ROGDI: variants seen among roughly 807,000 people sequenced by gnomAD.
The protein encoded by ROGDI is rogdi atypical leucine zipper.
ROGDI carries 46 observed loss-of-function variants against 43.1 expected under a neutral mutation model. The observed-to-expected ratio is 1.07, with a 90% CI of 0.84 to 1.37. The LOEUF (loss-of-function observed/expected upper bound fraction) is 1.37, where lower values mean the gene tolerates loss of function less well. Ranked by LOEUF, ROGDI falls within the 40% of genes most tolerant of loss-of-function variation. The pLI is 0.00. For missense variants in ROGDI, 518 were observed against 383.9 expected (o/e 1.35, Z -2.92); for synonymous variants, 243 against 162.0 (o/e 1.50, Z -3.80).
In ROGDI at chr16:4,799,634, C is replaced by T. The variant is rs547791455; in HGVS notation, c.432+52G>A. The T allele has an allele frequency of 6.7e-5, 95 of 1,409,502 alleles. No individual in the cohort carries two copies. In the South Asian group the frequency reaches 8.5e-4, roughly 13 times the overall value. The allele number at this position is 1,409,502 out of a possible 1,614,324, so 87.3% of individuals were successfully genotyped here. ...TGGGATTGGAACCCAGGTGTGATTC[C>T]GGATCAAGAACGTGGGACTAGGCCC... On this transcript the variant is annotated intron_variant, in intron 6 of 10. Transcript: ENST00000322048.
chr16:4,801,168 G>T, intron 4 of ROGDI, 99 bp downstream of exon 4: 1 of 978,330 alleles, frequency 1.0e-6, no homozygotes, highest in Non-Finnish European at 1.5e-6. Flanking sequence ...GAGATCAAGG[G>T]TCCCGCCCAG....
rs115660765 is a variant in ROGDI, at chr16:4,797,992, G to A, written c.646-5C>T. 1.1e-3 allele frequency: 1,780 copies of A among 1,611,988 alleles called. 26 individuals carry two copies. In the African/African-American group the frequency reaches 0.021, roughly 19 times the overall value. ...GCCCCCAGCTGGGCGGAAGTTCTAG[G>A]GAGAACAGCACCAGACCCGTCAGGC... On this transcript the variant is annotated splice_region_variant and splice_polypyrimidine_tract_variant and intron_variant, in intron 8 of 10. Coordinates refer to ENST00000322048, the MANE Select transcript of ROGDI (RefSeq NM_024589.3).
Position 4,797,131 on chromosome 16 carries a change from G to A in ROGDI, c.*329C>T, listed in dbSNP as rs918808740. On this transcript the variant is annotated 3_prime_UTR_variant, in exon 11 of 11. Transcript: ENST00000322048. ...CCCCCGACACCATGCCCTCCAGGGG[G>A]AGGGGACAGCGAAGGGGAGAGGAGG... 1.7e-5 allele frequency: 5 copies of A among 302,666 alleles called. No individual in the cohort carries two copies. Among genetic ancestry groups the A allele is most frequent in the South Asian group, 4.5e-5 (1 of 22,374 alleles). 18.7% of individuals were successfully genotyped at this position (302,666 alleles called of 1,614,324 possible). A position where few individuals can be genotyped will look rare whatever the true frequency, so the allele number is the denominator to read the frequency against.
At chr16:4,800,781 G>A (rs1028345933) in intron 4 of ROGDI, 6 of 586,666 alleles carry the variant, frequency 1.0e-5, no homozygotes, top group Non-Finnish European at 1.5e-5. Flanking sequence ...CCCAAGAAGA[G>A]CCACAAAGAA....
Position 4,797,342 on chromosome 16 carries a change from T to G in ROGDI, c.*118A>C. On this transcript the variant is annotated 3_prime_UTR_variant, in exon 11 of 11. Transcript: ENST00000322048. ...GGCAGTGCAAATGTGTTAGGTGGGGTAGGGGGTGGGATAGGGAGATAAATA... is the reference window on the plus strand; with the variant it reads ...GGCAGTGCAAATGTGTTAGGTGGGGGAGGGGGTGGGATAGGGAGATAAATA... The G allele has an allele frequency of 1.2e-5, 10 of 824,986 alleles. No individual in the cohort carries two copies. Among genetic ancestry groups the G allele is most frequent in the South Asian group, 1.8e-5 (1 of 56,880 alleles). 51.1% of individuals were successfully genotyped at this position (824,986 alleles called of 1,614,324 possible). A position where few individuals can be genotyped will look rare whatever the true frequency, so the allele number is the denominator to read the frequency against.
intron 2 of ROGDI, 162 bp downstream of exon 2, chr16:4,802,220 A>C (rs927355776): frequency 1.4e-6 from 1 of 695,626 alleles, no homozygotes; most frequent in African/African-American, 1.8e-5. Flanking sequence ...AGGTACTTAT[A>C]TAATGAGGTC....
In ROGDI at chr16:4,798,103, G is replaced by A. The variant is rs780059442; in HGVS notation, c.613C>T (p.Gln205Ter). The A allele has an allele frequency of 6.2e-7, 1 of 1,614,026 alleles. No homozygotes were observed. The change falls in exon 8 of 11, where the codon CAG (glutamine) becomes TAG (stop). Residue 205 changes from glutamine (Q) to a stop codon, truncating the protein, a stop_gained. Coordinates refer to ENST00000322048, the MANE Select transcript of ROGDI (RefSeq NM_024589.3). LOFTEE classifies it high-confidence loss of function. ...NLNKLCLTVY[Q>*]LHALQPNSTK... Reference sequence around the variant, plus strand: ...GAGTTGGGCTGCAGGGCATGCAGCTGGTACACCGTGAGGCAGAGCTTGTTG... The same window carrying A: ...GAGTTGGGCTGCAGGGCATGCAGCTAGTACACCGTGAGGCAGAGCTTGTTG...
Position 4,797,244 on chromosome 16 carries a change from C to T in ROGDI, c.*216G>A, listed in dbSNP as rs2082661248. 1 of 547,238 alleles carries T rather than the reference C, an allele frequency of 1.8e-6. No homozygotes were observed. The highest frequency in any genetic ancestry group is 1.9e-5 in the African/African-American group (1 of 52,612). 33.9% of individuals were successfully genotyped at this position (547,238 alleles called of 1,614,324 possible). On this transcript the variant is annotated 3_prime_UTR_variant, in exon 11 of 11. Coordinates refer to ENST00000322048, the MANE Select transcript of ROGDI (RefSeq NM_024589.3). ...TTGGGAATGTGGGACACCCTTGGCC[C>T]CGCCTCCCTGACCTCCCCACTACCC...
At chr16:4,799,599 G>T in intron 6 of ROGDI, 87 bp downstream of exon 6, 2 of 962,762 alleles carry the variant, frequency 2.1e-6, no homozygotes, top group Non-Finnish European at 1.6e-6. Flanking sequence ...ACAGCTCAAC[G>T]TGGAGGCCCT....
rs981699728 is a variant in ROGDI, at chr16:4,801,639, A to G, written c.118-54T>C. ...GGTAGCGCCCACTCAGGCCCGGCCC[A>G]GTGCTCCTTCCAGAAGCCCCCCTCC... On this transcript the variant is annotated intron_variant, in intron 2 of 10. Coordinates refer to ENST00000322048, the MANE Select transcript of ROGDI (RefSeq NM_024589.3). The G allele has an allele frequency of 1.3e-6, 2 of 1,492,204 alleles. 1 individual carries two copies. Among genetic ancestry groups the G allele is most frequent in the Non-Finnish European group, 1.8e-6 (2 of 1,096,584 alleles). The allele number at this position is 1,492,204 out of a possible 1,614,324, so 92.4% of individuals were successfully genotyped here. A position where few individuals can be genotyped will look rare whatever the true frequency, so the allele number is the denominator to read the frequency against.
chr16:4,798,753 C>G, intron 6 of ROGDI, 86 bp from the exon 7 acceptor site: 1 of 1,120,028 alleles, frequency 8.9e-7, no homozygotes, highest in East Asian at 2.6e-5. Context: ...CCACTCCCAC[C>G]CAGCCCAGTG....
chr16:4,798,878 G>C, intron 6 of ROGDI: 1 of 567,938 alleles, frequency 1.8e-6, no homozygotes, highest in East Asian at 3.1e-5. Context: ...AGTCGGGATG[G>C]GGCTGATTCA....
chr16:4,801,907 T>C (rs978947959), intron 2 of ROGDI: 18 of 564,100 alleles, frequency 3.2e-5, no homozygotes, highest in Middle Eastern at 4.3e-4. Context: ...GCAGTAGTTA[T>C]GGTAACCCGC....
intron 9 of ROGDI, 35 bp from the exon 10 acceptor site, chr16:4,797,875 C>T (rs775275654): frequency 8.7e-6 from 14 of 1,607,750 alleles, no homozygotes; most frequent in African/African-American, 5.3e-5. Flanking sequence ...AGGAGGGTCC[C>T]GGCCCTCCAG....
At chr16:4,802,326 A>C in intron 2 of ROGDI, 56 bp downstream of exon 2, 2 of 1,429,702 alleles carry the variant, frequency 1.4e-6, no homozygotes, top group East Asian at 2.5e-5. Context: ...AGGTGGAGCC[A>C]GGGAAATGAG....
At chr16:4,799,307 G>C (rs1440028240) in intron 6 of ROGDI, among the ~76,000 whole-genome samples, 2 of 152,040 alleles carry the variant, frequency 1.3e-5, no homozygotes, top group Non-Finnish European at 2.9e-5. Flanking sequence ...TTCTAAGTGT[G>C]AGGAAACAGA....
chr16:4,798,052 G>A lies in ROGDI; in HGVS notation c.645+19C>T, dbSNP rs1309325814. 1 of 1,613,524 alleles carries A rather than the reference G, an allele frequency of 6.2e-7. No individual in the cohort carries two copies. On this transcript the variant is annotated intron_variant, in intron 8 of 10. Transcript: ENST00000322048. ...CGTGTGCATGGCGGGCAGTGGGCCG[G>A]GCAGGGGTCCCTCCTCACCTTGGTG...
Position 4,801,337 on chromosome 16 carries a change from T to C in ROGDI, c.201-16A>G. On this transcript the variant is annotated splice_polypyrimidine_tract_variant and intron_variant, in intron 3 of 10. Transcript: ENST00000322048. The stretch of plus-strand genomic sequence containing the variant: ...CTGGTCTGTGCTGTAACATGTGGCG[T>C]CAGAGCGGTGCCTGTGGTCACCCCC... 1.9e-6 allele frequency: 3 copies of C among 1,600,596 alleles called. No individual in the cohort carries two copies. The highest frequency in any genetic ancestry group is 2.6e-6 in the Non-Finnish European group (3 of 1,170,710).
intron 6 of ROGDI, 149 bp from the exon 7 acceptor site, chr16:4,798,816 T>G: frequency 1.5e-6 from 1 of 654,068 alleles, no homozygotes; most frequent in Admixed American, 2.9e-5. Flanking sequence ...TAAAGACAGG[T>G]AGTTGGGCTC....
Sources: allele counts gnomAD v4.1 joint callset (sites outside exome capture counted in the v4.1 genomes callset), GRCh38; gene constraint gnomAD v4.1.1; transcripts MANE v1.5; gene names NCBI Gene and HGNC (gene_info 2026-07-23, HGNC 2026-07-21).